ATP8B4: variants seen among roughly 807,000 people sequenced by gnomAD.
The protein encoded by ATP8B4 is ATPase phospholipid transporting 8B4 (putative), also known as probable phospholipid-transporting ATPase IM.
A neutral mutation model predicts 145.6 loss-of-function variants in ATP8B4; 133 were observed. The ratio of observed to expected loss-of-function variants is 0.91; its 90% CI spans 0.79 to 1.05. The LOEUF (loss-of-function observed/expected upper bound fraction) is 1.05. ATP8B4 is among the 50% of genes least tolerant of loss of function. The pLI is 0.00. For synonymous variants in ATP8B4, 507 were observed against 492.9 expected (o/e 1.03, Z -0.38); for missense variants, 1,458 against 1,425.2 (o/e 1.02, Z -0.37).
chr15:50,034,593 T>C (rs1433309393), intron 6 of ATP8B4, among the ~76,000 whole-genome samples: 1 of 152,146 alleles, frequency 6.6e-6, no homozygotes, highest in Non-Finnish European at 1.5e-5. Flanking sequence ...GGTAAAGACA[T>C]GGCTTCAATT....
chr15:49,985,612 T>C (rs1339896328), intron 10 of ATP8B4, among the ~76,000 whole-genome samples: 1 of 152,208 alleles, frequency 6.6e-6, no homozygotes, highest in Non-Finnish European at 1.5e-5. Context: ...AAACATCCAG[T>C]TGATAAGGTC....
At chr15:50,106,700 G>A (rs2153668036) in intron 2 of ATP8B4, among the ~76,000 whole-genome samples, 1 of 152,288 alleles carries the variant, frequency 6.6e-6, no homozygotes. Flanking sequence ...GTCACAGTGA[G>A]TGTAGAAAGA....
At chr15:50,129,555 G>A (rs74015205) in intron 1 of ATP8B4, among the ~76,000 whole-genome samples, 8,166 of 151,982 alleles carry the variant, frequency 0.054, 758 homozygotes, top group African/African-American at 0.19. Context: ...GATTAGATTT[G>A]GGCTCCATTC....
chr15:50,018,843 G>A (rs2049306202), intron 6 of ATP8B4: 9 of 883,746 alleles, frequency 1.0e-5, no homozygotes, highest in Non-Finnish European at 1.4e-5. Flanking sequence ...ATAATCATGG[G>A]TAAAATATCT....
chr15:49,979,018 T>C (rs1016508343), intron 12 of ATP8B4, among the ~76,000 whole-genome samples: 2 of 152,144 alleles, frequency 1.3e-5, no homozygotes, highest in Admixed American at 6.5e-5. Flanking sequence ...TACATACTTA[T>C]AGTTACTAAT....
In ATP8B4 at chr15:49,858,918, TGACA is replaced by T. The variant is rs1389825776; in HGVS notation, c.*1272_*1275del. The T allele has an allele frequency of 3.9e-5, 6 of 152,250 alleles. No homozygotes were observed. Among genetic ancestry groups the T allele is most frequent in the African/African-American group, 1.4e-4 (6 of 41,466 alleles). The allele number at this position is 152,250 out of a possible 1,614,324, so 9.4% of individuals were successfully genotyped here. ...TTTAATAATTTCAGAGTTTGTGCTT[TGACA>T]GACAATCATCAACCAACCACATGAG... is the stretch of plus-strand genomic sequence containing the variant. On this transcript the variant is annotated 3_prime_UTR_variant, in exon 28 of 28. Transcript: ENST00000284509.
chr15:50,051,414 A>G (rs1751648484), intron 3 of ATP8B4, among the ~76,000 whole-genome samples: 1 of 152,216 alleles, frequency 6.6e-6, no homozygotes, highest in South Asian at 2.1e-4. Flanking sequence ...GTCAGGAATC[A>G]AGGTGTCCAG....
chr15:50,093,732 A>T (rs969683473), intron 2 of ATP8B4, among the ~76,000 whole-genome samples: 7 of 152,156 alleles, frequency 4.6e-5, no homozygotes, highest in African/African-American at 1.7e-4. Context: ...TGAATTTTTT[A>T]AAACTCTATA....
chr15:50,050,614 T>C lies in ATP8B4; in HGVS notation c.88-3150A>G, dbSNP rs1298640959. Among the ~76,000 whole-genome samples the C allele has an allele frequency of 2.0e-5, 3 of 151,418 alleles. No individual in the cohort carries two copies. The East Asian group carries it at 5.8e-4, about 29-fold the overall frequency. ...ATGTTCTTCCAAAGCTGTAGACAAA[T>C]ATACATTAAAAAAAAAACAGGCTAA... On this transcript the variant is annotated intron_variant, in intron 3 of 27. Transcript: ENST00000284509.
At chr15:49,879,275 C>T in intron 24 of ATP8B4, 101 bp downstream of exon 24, 1 of 1,066,012 alleles carries the variant, frequency 9.4e-7, no homozygotes, top group Non-Finnish European at 1.4e-6. Flanking sequence ...CAACTGCATT[C>T]CTAGGGCTGC....
intron 7 of ATP8B4, chr15:50,009,807 T>C: frequency 2.7e-6 from 1 of 374,646 alleles, no homozygotes; most frequent in Non-Finnish European, 5.2e-6. Flanking sequence ...ACCTCTGTTT[T>C]GGCTGCCGAC....
At chr15:49,972,102 T>C (rs1299744582) in intron 13 of ATP8B4, among the ~76,000 whole-genome samples, 3 of 151,960 alleles carry the variant, frequency 2.0e-5, no homozygotes, top group African/African-American at 7.3e-5. Context: ...GAGGGGAACA[T>C]CACACACCAG....
At chr15:50,091,135 A>C (rs2055584542) in intron 2 of ATP8B4, among the ~76,000 whole-genome samples, 1 of 152,172 alleles carries the variant, frequency 6.6e-6, no homozygotes, top group South Asian at 2.1e-4. Flanking sequence ...GAAATTTAAA[A>C]ATTATAATTA....
intron 1 of ATP8B4, among the ~76,000 whole-genome samples, chr15:50,116,666 G>A (rs184346327): frequency 3.9e-5 from 6 of 152,202 alleles, no homozygotes; most frequent in African/African-American, 9.6e-5. Context: ...TCTAGAGGGC[G>A]CTCAACTTCA....
At chr15:50,007,349 A>T (rs2048381859) in intron 7 of ATP8B4, among the ~76,000 whole-genome samples, 1 of 152,200 alleles carries the variant, frequency 6.6e-6, no homozygotes, top group Non-Finnish European at 1.5e-5. Context: ...CAAGTCAATG[A>T]GGATGACTGT....
At chr15:49,933,475 G>A (rs534948733) in intron 15 of ATP8B4, among the ~76,000 whole-genome samples, 1 of 152,152 alleles carries the variant, frequency 6.6e-6, no homozygotes, top group Non-Finnish European at 1.5e-5. Context: ...TATGAACCCT[G>A]AGTTCCAAAC....
chr15:49,967,593 G>A (rs1420944155), intron 13 of ATP8B4, among the ~76,000 whole-genome samples: 7 of 152,028 alleles, frequency 4.6e-5, no homozygotes, highest in Admixed American at 3.3e-4. Context: ...GAAAAGGAAC[G>A]AATAAAGCCT....
Position 50,085,877 on chromosome 15 carries a change from TTATATATTTATATATGATA to T in ATP8B4, c.29-11711_29-11693del, listed in dbSNP as rs1567330279. On this transcript the variant is annotated intron_variant, in intron 2 of 27. Coordinates refer to ENST00000284509, the MANE Select transcript of ATP8B4 (RefSeq NM_024837.4). ...TATATAATAAACGTATCATATATAT[TTATATATTTATATATGATA>T]TATATCATATATATTTATATATGAT... Among the ~76,000 whole-genome samples, 104 of 34,708 alleles carry T rather than the reference TTATATATTTATATATGATA, an allele frequency of 3.0e-3. 1 individual carries two copies. The highest frequency in any genetic ancestry group is 4.1e-3 in the Non-Finnish European group (83 of 20,184). 22.8% of individuals were successfully genotyped at this position (34,708 alleles called of 152,430 possible). A position where few individuals can be genotyped will look rare whatever the true frequency, so the allele number is the denominator to read the frequency against.
chr15:49,942,377 A>G (rs896431779), intron 14 of ATP8B4, among the ~76,000 whole-genome samples: 17 of 152,192 alleles, frequency 1.1e-4, no homozygotes, highest in Non-Finnish European at 2.5e-4. Flanking sequence ...GATGAAGCCA[A>G]CAATCTATAA....
Sources: allele counts gnomAD v4.1 joint callset (sites outside exome capture counted in the v4.1 genomes callset), GRCh38; gene constraint gnomAD v4.1.1; transcripts MANE v1.5; gene names NCBI Gene and HGNC (gene_info 2026-07-23, HGNC 2026-07-21).